Variants in RHBDD1 observed in about 807,000 individuals in gnomAD.
RHBDD1 encodes the protein rhomboid domain containing 1.
A neutral mutation model predicts 36.3 loss-of-function variants in RHBDD1; 38 were observed. The ratio of observed to expected loss-of-function variants is 1.05; its 90% confidence interval spans 0.81 to 1.37. RHBDD1 has a LOEUF of 1.37. RHBDD1 is among the 40% of genes most tolerant of loss of function. The pLI is 0.00. For synonymous variants in RHBDD1, 151 were observed against 136.5 expected (o/e 1.11, Z -0.74); for missense variants, 393 against 377.6 (o/e 1.04, Z -0.34).
chr2:226,985,862 T>C (rs1469924013), intron 8 of RHBDD1, among the ~76,000 whole-genome samples: 1 of 152,262 alleles, frequency 6.6e-6, no homozygotes, highest in African/African-American at 2.4e-5. Flanking sequence ...TGCCCACTCC[T>C]ACCTCTTCCA....
chr2:226,831,197 C>T (rs1464050914), upstream of RHBDD1, among the ~76,000 whole-genome samples: 1 of 152,066 alleles, frequency 6.6e-6, no homozygotes, highest in African/African-American at 2.4e-5. Context: ...ATAATTTCTT[C>T]CTTAAATATT....
intron 3 of RHBDD1, among the ~76,000 whole-genome samples, chr2:226,859,851 T>C (rs562327789): frequency 5.9e-5 from 9 of 152,194 alleles, no homozygotes; most frequent in African/African-American, 2.2e-4. Flanking sequence ...CCAGCTTCAG[T>C]TTTATACAAG....
chr2:226,814,972 TG>T, the RHBDD1 span, among the ~76,000 whole-genome samples: 1 of 152,158 alleles, frequency 6.6e-6, no homozygotes, highest in Non-Finnish European at 1.5e-5. Flanking sequence ...TGGCAAAATA[TG>T]GGCACCTTGA....
At chr2:226,937,657 T>A (rs1426034808) in intron 8 of RHBDD1, among the ~76,000 whole-genome samples, 1 of 152,146 alleles carries the variant, frequency 6.6e-6, no homozygotes, top group Admixed American at 6.6e-5. Flanking sequence ...TGCGTTCTCA[T>A]CATTTATCTC....
chr2:226,970,090 A>G (rs539757490), intron 8 of RHBDD1, among the ~76,000 whole-genome samples: 1 of 147,044 alleles, frequency 6.8e-6, no homozygotes, highest in East Asian at 2.0e-4. Context: ...ATGGTTGTCC[A>G]TGAAGAAGAA....
At chr2:226,902,973 T>A (rs1230430184) in intron 5 of RHBDD1, among the ~76,000 whole-genome samples, 2 of 152,240 alleles carry the variant, frequency 1.3e-5, no homozygotes, top group African/African-American at 4.8e-5. Flanking sequence ...TCCTTCTATG[T>A]TATTTTATAT....
At chr2:226,828,880 A>G in the RHBDD1 span, among the ~76,000 whole-genome samples, 1 of 152,056 alleles carries the variant, frequency 6.6e-6, no homozygotes, top group Non-Finnish European at 1.5e-5. Flanking sequence ...ATGTCTTTTA[A>G]GTATATTTTT....
chr2:226,959,799 G>T (rs1169646681), intron 8 of RHBDD1, among the ~76,000 whole-genome samples: 4 of 152,032 alleles, frequency 2.6e-5, no homozygotes, highest in African/African-American at 9.7e-5. Flanking sequence ...TGTGGAAAGT[G>T]TATGTTTACT....
At chr2:226,977,119 T>G (rs1440179201) in intron 8 of RHBDD1, among the ~76,000 whole-genome samples, 3 of 152,172 alleles carry the variant, frequency 2.0e-5, no homozygotes, top group Non-Finnish European at 4.4e-5. Flanking sequence ...TTTGGTCATT[T>G]GTTTCTGTGC....
At chr2:226,902,105 A>G (rs1271572308) in intron 5 of RHBDD1, among the ~76,000 whole-genome samples, 1 of 152,178 alleles carries the variant, frequency 6.6e-6, no homozygotes, top group Non-Finnish European at 1.5e-5. Context: ...AGTAAGGTCA[A>G]CAGGAAGTTG....
At chr2:226,867,156 G>T in intron 4 of RHBDD1, 30 bp from the exon 5 acceptor site, 1 of 1,565,702 alleles carries the variant, frequency 6.4e-7, no homozygotes, top group Non-Finnish European at 8.6e-7. Context: ...TTGGATTGTT[G>T]ATATTTGCAT....
chr2:226,821,020 G>A, the RHBDD1 span, among the ~76,000 whole-genome samples: 3 of 152,152 alleles, frequency 2.0e-5, no homozygotes, highest in Non-Finnish European at 1.5e-5. Context: ...ATCCTCTCCT[G>A]TGTCTGCCAC....
At chr2:226,993,217 C>G (rs558562150) in intron 8 of RHBDD1, among the ~76,000 whole-genome samples, 2 of 152,178 alleles carry the variant, frequency 1.3e-5, no homozygotes, top group African/African-American at 2.4e-5. Flanking sequence ...TTTGAAGAAA[C>G]GCTAAAGAAA....
intron 3 of RHBDD1, among the ~76,000 whole-genome samples, chr2:226,855,158 C>T (rs1286761789): frequency 6.6e-6 from 1 of 152,162 alleles, no homozygotes; most frequent in East Asian, 1.9e-4. Context: ...TTGTATTCAT[C>T]TGGGGAGATG....
At chr2:226,982,688 G>A (rs1305629142) in intron 8 of RHBDD1, among the ~76,000 whole-genome samples, 3 of 152,168 alleles carry the variant, frequency 2.0e-5, no homozygotes, top group Non-Finnish European at 2.9e-5. Context: ...TTTGTGTCTC[G>A]GGATTTGAGA....
chr2:226,993,816 G>A (rs560956813), intron 8 of RHBDD1, among the ~76,000 whole-genome samples: 11 of 152,288 alleles, frequency 7.2e-5, no homozygotes, highest in South Asian at 6.2e-4. Context: ...TTGAAAAGAC[G>A]GACTCCGTTT....
intron 8 of RHBDD1, among the ~76,000 whole-genome samples, chr2:226,987,615 T>C (rs1406383864): frequency 2.0e-5 from 3 of 152,162 alleles, no homozygotes; most frequent in Non-Finnish European, 2.9e-5. Flanking sequence ...CTCGAACCTC[T>C]GTGTGGGAGT....
At chr2:226,851,296 A>G (rs1169174963) in intron 3 of RHBDD1, among the ~76,000 whole-genome samples, 1 of 151,198 alleles carries the variant, frequency 6.6e-6, no homozygotes, top group African/African-American at 2.4e-5. Flanking sequence ...CTAAACACAT[A>G]CCCCCCCAAT....
intron 8 of RHBDD1, 65 bp downstream of exon 8, chr2:226,914,416 G>T: frequency 6.6e-7 from 1 of 1,526,412 alleles, no homozygotes; most frequent in Non-Finnish European, 8.8e-7. Flanking sequence ...GTCTGAAAAA[G>T]AGCTATTTGT....
Sources: gnomAD v4.1 joint callset for allele counts (sites outside exome capture counted in the v4.1 genomes callset) on GRCh38, gnomAD v4.1.1 for gene constraint, MANE v1.5 for transcripts, NCBI Gene and HGNC (gene_info 2026-07-23, HGNC 2026-07-21) for gene names.